The following CNTNAP2 variants were observed in gnomAD, a reference collection of about 807,000 sequenced individuals.
CNTNAP2 encodes contactin-associated protein-like 2.
In CNTNAP2, 98 loss-of-function variants were observed where a neutral mutation model predicts 155.2. The ratio of observed to expected loss-of-function variants is 0.63; its 90% CI spans 0.54 to 0.75. The LOEUF is 0.75. Ranked by LOEUF, CNTNAP2 falls within the 30% of genes least tolerant of loss-of-function variation. CNTNAP2 has a pLI of 0.00. For missense variants in CNTNAP2, 1,727 were observed against 1,688.1 expected (o/e 1.02, Z -0.40); for synonymous variants, 651 against 631.2 (o/e 1.03, Z -0.47).
At chr7:146,430,884 C>T (rs1472876965) in intron 1 of CNTNAP2, among the ~76,000 whole-genome samples, 1 of 151,874 alleles carries the variant, frequency 6.6e-6, no homozygotes, top group Non-Finnish European at 1.5e-5. Flanking sequence ...AACATAATTC[C>T]ATTAAAAACA....
intron 1 of CNTNAP2, among the ~76,000 whole-genome samples, chr7:146,503,388 G>A (rs12703818): frequency 0.061 from 9,316 of 152,186 alleles, 339 homozygotes; most frequent in Non-Finnish European, 0.085. Context: ...GAAATTTATT[G>A]GCAATTTTTG....
At chr7:146,156,853 G>C (rs919775031) in intron 1 of CNTNAP2, among the ~76,000 whole-genome samples, 3 of 152,194 alleles carry the variant, frequency 2.0e-5, no homozygotes, top group Admixed American at 2.0e-4. Flanking sequence ...CACCCGCCTC[G>C]ACCTCCCAAA....
intron 9 of CNTNAP2, among the ~76,000 whole-genome samples, chr7:147,386,448 T>A (rs1421528892): frequency 1.3e-5 from 2 of 152,182 alleles, no homozygotes; most frequent in African/African-American, 4.8e-5. Context: ...CCTCAAATGC[T>A]TTTCTGCTTA....
At chr7:147,822,282 T>C (rs1798374321) in intron 13 of CNTNAP2, among the ~76,000 whole-genome samples, 1 of 152,188 alleles carries the variant, frequency 6.6e-6, no homozygotes, top group South Asian at 2.1e-4. Context: ...AAGTGCTCTA[T>C]GTAACCGTAG....
intron 1 of CNTNAP2, among the ~76,000 whole-genome samples, chr7:146,229,919 T>C (rs1799357102): frequency 6.6e-6 from 1 of 152,190 alleles, no homozygotes; most frequent in Admixed American, 6.5e-5. Context: ...GTGACTGTTT[T>C]GAATATGGTT....
chr7:148,163,731 T>A (rs1805594979), intron 17 of CNTNAP2, among the ~76,000 whole-genome samples: 1 of 152,228 alleles, frequency 6.6e-6, no homozygotes. Flanking sequence ...GCTTTTTTCA[T>A]ACTTGCCCTC....
At chr7:147,680,331 C>T (rs1218942680) in intron 13 of CNTNAP2, among the ~76,000 whole-genome samples, 1 of 151,874 alleles carries the variant, frequency 6.6e-6, no homozygotes, top group East Asian at 1.9e-4. Context: ...TACGGTACTT[C>T]TAAAGGGCCA....
chr7:146,446,773 A>G (rs2129121252), intron 1 of CNTNAP2, among the ~76,000 whole-genome samples: 1 of 152,172 alleles, frequency 6.6e-6, no homozygotes, highest in African/African-American at 2.4e-5. Flanking sequence ...CTTGAAATAT[A>G]CAGTATACTC....
intron 10 of CNTNAP2, among the ~76,000 whole-genome samples, chr7:147,418,037 T>C (rs912554023): frequency 5.3e-5 from 8 of 152,224 alleles, no homozygotes; most frequent in African/African-American, 1.9e-4. Context: ...TCTGTAAAAG[T>C]CATTTATAAC....
chr7:147,885,925 G>A (rs191417531), intron 13 of CNTNAP2, among the ~76,000 whole-genome samples: 2 of 152,308 alleles, frequency 1.3e-5, no homozygotes, highest in East Asian at 3.9e-4. Flanking sequence ...CATGAACTGT[G>A]GCTTAACACA....
At chr7:146,839,656 G>T in intron 2 of CNTNAP2, 55 bp from the exon 3 acceptor site, 1 of 1,578,224 alleles carries the variant, frequency 6.3e-7, no homozygotes, top group Non-Finnish European at 8.7e-7. Context: ...ATTGTCAGTT[G>T]TACAAGTTCA....
intron 4 of CNTNAP2, among the ~76,000 whole-genome samples, chr7:147,106,694 G>T (rs960988455): frequency 6.6e-6 from 1 of 152,090 alleles, no homozygotes; most frequent in Non-Finnish European, 1.5e-5. Context: ...TGATTTGAAA[G>T]GCATGCTTAG....
chr7:148,321,197 G>T (rs1169672818), intron 21 of CNTNAP2, among the ~76,000 whole-genome samples: 2 of 152,230 alleles, frequency 1.3e-5, no homozygotes, highest in Non-Finnish European at 2.9e-5. Context: ...GCAGTGGAGA[G>T]ATGTTGAATT....
intron 13 of CNTNAP2, among the ~76,000 whole-genome samples, chr7:147,739,538 G>T (rs1322520027): frequency 3.3e-5 from 5 of 151,904 alleles, no homozygotes; most frequent in Non-Finnish European, 7.4e-5. Context: ...GAATTTTCAG[G>T]GTTCTTATGG....
At chr7:147,923,365 C>T (rs1185292174) in intron 14 of CNTNAP2, among the ~76,000 whole-genome samples, 1 of 152,102 alleles carries the variant, frequency 6.6e-6, no homozygotes, top group African/African-American at 2.4e-5. Context: ...AAGACCCAGA[C>T]TCAAGGAGAA....
chr7:147,064,215 A>G (rs28516534), intron 4 of CNTNAP2, among the ~76,000 whole-genome samples: 38,049 of 151,862 alleles, frequency 0.25, 5,974 homozygotes, highest in African/African-American at 0.44. Context: ...GTTCCTAGAA[A>G]TAGTGTATTG....
chr7:148,401,259 G>A (rs370597299), intron 22 of CNTNAP2, among the ~76,000 whole-genome samples: 6 of 152,118 alleles, frequency 3.9e-5, no homozygotes, highest in South Asian at 2.1e-4. Flanking sequence ...CCTCGTCCTC[G>A]TAGCAGCGAC....
At chr7:148,056,265 A>G (rs1585101066) in intron 15 of CNTNAP2, among the ~76,000 whole-genome samples, 1 of 152,106 alleles carries the variant, frequency 6.6e-6, no homozygotes, top group Non-Finnish European at 1.5e-5. Flanking sequence ...TGGATTTTTC[A>G]TGCTTGATAT....
chr7:148,103,206 CTTTT>C (rs56941233), intron 15 of CNTNAP2, among the ~76,000 whole-genome samples: 2 of 141,326 alleles, frequency 1.4e-5, no homozygotes, highest in African/African-American at 2.6e-5. Context: ...AGGTATGTAG[CTTTT>C]TTTTTTTTTT....
Sources: allele counts gnomAD v4.1 joint callset (sites outside exome capture counted in the v4.1 genomes callset), GRCh38; gene constraint gnomAD v4.1.1; transcripts MANE v1.5; gene names NCBI Gene and HGNC (gene_info 2026-07-23, HGNC 2026-07-21).